The following WNK3 variants were observed in gnomAD, a reference collection of about 807,000 sequenced individuals.
The protein encoded by WNK3 is WNK lysine deficient protein kinase 3.
In WNK3, 18 loss-of-function variants were observed where a neutral mutation model predicts 116.7. That is an observed-to-expected ratio of 0.15 (90% CI 0.11 to 0.23). The LOEUF (loss-of-function observed/expected upper bound fraction) is 0.23, where lower values mean the gene tolerates loss of function less well. Ranked by LOEUF, WNK3 falls within the 10% of genes least tolerant of loss-of-function variation. The probability of loss-of-function intolerance (pLI) is 1.00; values close to 1 mark genes in which losing one functional copy is unlikely to be tolerated. For synonymous variants in WNK3, 404 were observed against 469.4 expected (o/e 0.86, Z 1.80); for missense variants, 993 against 1,323.8 (o/e 0.75, Z 3.88).
intron 10 of WNK3, among the ~76,000 whole-genome samples, chrX:54,260,390 G>A (rs1239091229): frequency 1.8e-5 from 2 of 111,910 alleles, no homozygotes; most frequent in African/African-American, 3.2e-5. Flanking sequence ...TACAGTCCCC[G>A]TAAGTTGGAA....
At chrX:54,214,020 A>G (rs185659464) in intron 22 of WNK3, among the ~76,000 whole-genome samples, 1 of 111,276 alleles carries the variant, frequency 9.0e-6, no homozygotes, top group East Asian at 2.8e-4. Flanking sequence ...TCTGTCACCC[A>G]GGCTGGAGGG....
chrX:54,280,757 AGAGTAAACACTGG>A (rs2068507234), intron 10 of WNK3, among the ~76,000 whole-genome samples: 1 of 110,865 alleles, frequency 9.0e-6, no homozygotes, highest in African/African-American at 3.3e-5. Flanking sequence ...AAAGATGAAA[AGAGTAAACACTGG>A]GGACTATGAG....
At chrX:54,353,916 T>C (rs1227921341) in intron 1 of WNK3, among the ~76,000 whole-genome samples, 1 of 109,273 alleles carries the variant, frequency 9.2e-6, no homozygotes, top group Non-Finnish European at 1.9e-5. Context: ...ACCCCATCTA[T>C]ACCAAAAATA....
chrX:54,352,651 G>C (rs1295267303), intron 1 of WNK3, among the ~76,000 whole-genome samples: 1 of 111,644 alleles, frequency 9.0e-6, no homozygotes, highest in Non-Finnish European at 1.9e-5. Context: ...CTGTACTCCA[G>C]CCTGGGCAAC....
At chrX:54,347,723 T>A (rs1389253409) in intron 1 of WNK3, among the ~76,000 whole-genome samples, 2 of 104,029 alleles carry the variant, frequency 1.9e-5, no homozygotes, top group Admixed American at 1.1e-4. Flanking sequence ...TATATATATA[T>A]AAAACACAAT....
At chrX:54,254,594 A>G (rs2068170549) in intron 12 of WNK3, among the ~76,000 whole-genome samples, 1 of 111,731 alleles carries the variant, frequency 9.0e-6, no homozygotes, top group African/African-American at 3.3e-5. Flanking sequence ...ACAAAGATTT[A>G]TGTTCAAGGA....
intron 22 of WNK3, among the ~76,000 whole-genome samples, chrX:54,224,985 G>C (rs1381951260): frequency 2.7e-5 from 3 of 110,458 alleles, no homozygotes; most frequent in African/African-American, 9.9e-5. Flanking sequence ...GACATATATG[G>C]AACGCTCCAC....
At chrX:54,298,898 T>C (rs2068726696) in intron 6 of WNK3, among the ~76,000 whole-genome samples, 1 of 112,365 alleles carries the variant, frequency 8.9e-6, no homozygotes, top group East Asian at 2.8e-4. Context: ...TAGAAGTCAC[T>C]GTCTCCATTA....
At chrX:54,286,984 C>T (rs2068588723) in intron 10 of WNK3, among the ~76,000 whole-genome samples, 1 of 109,827 alleles carries the variant, frequency 9.1e-6, no homozygotes, top group Non-Finnish European at 1.9e-5. Flanking sequence ...CCTTTTTCTC[C>T]AATTCTGGTG....
At chrX:54,207,122 C>T (rs1164544336) in intron 22 of WNK3, among the ~76,000 whole-genome samples, 5 of 109,905 alleles carry the variant, frequency 4.5e-5, no homozygotes, top group African/African-American at 1.6e-4. Context: ...CAGTTCTTTA[C>T]TGCTAACAGC....
At chrX:54,270,911 C>A (rs1264904009) in intron 10 of WNK3, among the ~76,000 whole-genome samples, 2 of 111,356 alleles carry the variant, frequency 1.8e-5, no homozygotes, top group African/African-American at 6.5e-5. Flanking sequence ...AGGATATGAA[C>A]TCATTCTTTT....
exon 24 of WNK3, chrX:54,198,339 A>T: frequency 1.7e-6 from 2 of 1,196,542 alleles, no homozygotes; most frequent in Non-Finnish European, 2.3e-6. Context: ...TAGGACCAGG[A>T]GGGATTGTGG....
At chrX:54,270,708 T>G (rs886237795) in intron 10 of WNK3, among the ~76,000 whole-genome samples, 1 of 110,107 alleles carries the variant, frequency 9.1e-6, no homozygotes, top group Non-Finnish European at 1.9e-5. Flanking sequence ...GCATTAGGTA[T>G]TTGTCCTAAT....
intron 2 of WNK3, among the ~76,000 whole-genome samples, chrX:54,330,286 T>C (rs1213430979): frequency 9.0e-6 from 1 of 110,906 alleles, no homozygotes; most frequent in Non-Finnish European, 1.9e-5. Flanking sequence ...GGCAGAATAA[T>C]CACTTGAACC....
chrX:54,318,308 T>C (rs1465683405), intron 2 of WNK3, among the ~76,000 whole-genome samples: 3 of 106,952 alleles, frequency 2.8e-5, no homozygotes, highest in African/African-American at 1.0e-4. Flanking sequence ...TGCAGTGAGC[T>C]GATATCATGC....
chrX:54,282,947 C>T (rs1290103250), intron 10 of WNK3, among the ~76,000 whole-genome samples: 2 of 111,133 alleles, frequency 1.8e-5, no homozygotes, highest in Non-Finnish European at 3.8e-5. Flanking sequence ...CACAAAGTAA[C>T]GAAAGAAAAC....
chrX:54,278,337 T>C (rs1430765486), intron 10 of WNK3, among the ~76,000 whole-genome samples: 2 of 109,176 alleles, frequency 1.8e-5, no homozygotes, highest in Non-Finnish European at 3.8e-5. Flanking sequence ...ACAATTACTA[T>C]CAAAATCCCA....
At position 54,319,914 on chromosome X, in the gene WNK3, G is replaced by C. The variant is rs190467894; in HGVS notation, c.538-8623C>G. The stretch of plus-strand genomic sequence containing the variant: ...GCCACAAAAGACAAACCAGAGAACA[G>C]CACTAGCTAATGAAGCTGACATAGT... On this transcript the variant is annotated intron_variant, in intron 2 of 23. Coordinates refer to ENST00000354646, the Ensembl canonical transcript of WNK3. Among the ~76,000 whole-genome samples the C allele has an allele frequency of 4.5e-3, 506 of 112,145 alleles. 2 individuals are homozygous for C. Among genetic ancestry groups the C allele is most frequent in the Non-Finnish European group, 7.6e-3 (404 of 53,223 alleles).
At chrX:54,325,275 A>T (rs2069085379) in intron 2 of WNK3, among the ~76,000 whole-genome samples, 1 of 111,721 alleles carries the variant, frequency 9.0e-6, no homozygotes, top group Non-Finnish European at 1.9e-5. Context: ...CAAAGTACAC[A>T]ATCACATATC....
Sources: gnomAD v4.1 joint callset for allele counts (sites outside exome capture counted in the v4.1 genomes callset) on GRCh38, gnomAD v4.1.1 for gene constraint, MANE v1.5 for transcripts, NCBI Gene and HGNC (gene_info 2026-07-23, HGNC 2026-07-21) for gene names.